ZBTB20: variants seen among roughly 807,000 people sequenced by gnomAD.
The protein encoded by ZBTB20 is zinc finger and BTB domain containing 20.
Under a neutral mutation model 56.9 loss-of-function variants are expected in ZBTB20, and 9 were observed. That is an observed-to-expected ratio of 0.16 (90% CI 0.10 to 0.28). ZBTB20 has a LOEUF of 0.28. Among genes scored for constraint, ZBTB20 ranks in the 10% least tolerant of loss-of-function variants. The pLI is 1.00. For synonymous variants in ZBTB20, 417 were observed against 420.7 expected, an observed-to-expected ratio of 0.99 and a Z score of 0.11; for missense variants, 655 against 1,003.0, an observed-to-expected ratio of 0.65 and a Z score of 4.69.
intron 6 of ZBTB20, among the ~76,000 whole-genome samples, chr3:114,672,170 A>T (rs887291772): frequency 1.3e-5 from 2 of 152,194 alleles, no homozygotes; most frequent in Non-Finnish European, 2.9e-5. Flanking sequence ...GAAAAATAAT[A>T]GTCAAATTGC....
In ZBTB20 at chr3:114,316,464, GTA is replaced by G. The variant is rs765962671; in HGVS notation, c.*22539_*22540del. 2 of 493,760 alleles carry G rather than the reference GTA, an allele frequency of 4.1e-6. No individual in the cohort carries two copies. The highest frequency in any genetic ancestry group is 8.3e-6 in the Non-Finnish European group (2 of 240,914). 30.6% of individuals were successfully genotyped at this position (493,760 alleles called of 1,614,324 possible). A position where few individuals can be genotyped will look rare whatever the true frequency, so the allele number is the denominator to read the frequency against. On this transcript the variant is annotated 3_prime_UTR_variant, in exon 12 of 12. Transcript: ENST00000675478. ...ATCTGATTTTGTTATGTGCATGTGTGTATATATGCACATATACACACCTATAC... is the reference window on the plus strand; with the variant it reads ...ATCTGATTTTGTTATGTGCATGTGTGTATATGCACATATACACACCTATAC...
At chr3:114,434,669 C>T (rs1006449340) in intron 7 of ZBTB20, among the ~76,000 whole-genome samples, 31 of 151,786 alleles carry the variant, frequency 2.0e-4, no homozygotes, top group African/African-American at 6.1e-4. Flanking sequence ...TGAAAAAATA[C>T]GGTTTCTTTG....
chr3:114,774,721 A>C (rs1409424757), intron 5 of ZBTB20, among the ~76,000 whole-genome samples: 3 of 152,162 alleles, frequency 2.0e-5, no homozygotes, highest in Non-Finnish European at 4.4e-5. Flanking sequence ...AATCTCACAA[A>C]AATCTGCTTT....
intron 4 of ZBTB20, among the ~76,000 whole-genome samples, chr3:114,887,882 G>A (rs969812625): frequency 1.3e-5 from 2 of 152,168 alleles, no homozygotes; most frequent in Non-Finnish European, 2.9e-5. Flanking sequence ...ATTGATAGGA[G>A]CACATAAGGA....
At chr3:114,368,352 C>T (rs80316439) in intron 10 of ZBTB20, among the ~76,000 whole-genome samples, 2,316 of 152,216 alleles carry the variant, frequency 0.015, 28 homozygotes, top group South Asian at 0.067. Flanking sequence ...AGTCTTAGTC[C>T]ATTAGCAACA....
chr3:114,404,627 T>C lies in ZBTB20; in HGVS notation c.-254-15522A>G, dbSNP rs576500481. ...GGCTTTATAGTCTGGTGTACAGACG[T>C]GGCTATTTTTCCCCATAGCTCTCAG... On this transcript the variant is annotated intron_variant, in intron 7 of 11. Transcript: ENST00000675478. Among the ~76,000 whole-genome samples, 98 of 152,274 alleles carry C rather than the reference T, an allele frequency of 6.4e-4. 3 individuals carry two copies. In the South Asian group the frequency reaches 0.015, roughly 24 times the overall value.
chr3:114,449,460 A>C lies in ZBTB20; in HGVS notation c.-255+50892T>G, dbSNP rs548380564. ...CATCGCAGACTTGAGAAAGGTAACC[A>C]AGTGAGGAAACATCAAACAGAGTTA... On this transcript the variant is annotated intron_variant, in intron 7 of 11. Transcript: ENST00000675478. 3.7e-4 allele frequency among the ~76,000 whole-genome samples: 57 copies of C among 152,286 alleles called. 1 individual carries two copies. The highest frequency in any genetic ancestry group is 3.3e-3 in the Admixed American group (50 of 15,294).
intron 1 of ZBTB20, among the ~76,000 whole-genome samples, chr3:115,145,122 G>A (rs1437513488): frequency 6.6e-6 from 1 of 152,024 alleles, no homozygotes; most frequent in Non-Finnish European, 1.5e-5. Context: ...ATTCCTCAAG[G>A]GCAATTTCAA....
intron 7 of ZBTB20, among the ~76,000 whole-genome samples, chr3:114,495,761 T>A (rs1314812352): frequency 6.6e-6 from 1 of 152,114 alleles, no homozygotes; most frequent in African/African-American, 2.4e-5. Context: ...CTGAAAATGG[T>A]GTCTGAGCAA....
chr3:114,321,615 T>A lies in ZBTB20; in HGVS notation c.*17390A>T, dbSNP rs956202642. 5 of 152,164 alleles carry A rather than the reference T, an allele frequency of 3.3e-5. No homozygotes were observed. Among genetic ancestry groups the A allele is most frequent in the Non-Finnish European group, 7.4e-5 (5 of 68,024 alleles). 9.4% of individuals were successfully genotyped at this position (152,164 alleles called of 1,614,324 possible). On this transcript the variant is annotated 3_prime_UTR_variant, in exon 12 of 12. Transcript: ENST00000675478. ...GAAACAAAAAATAAAGAGAAAGAACTGGTAAGAGTTGAGCTCGGTAGCCAA... is the reference window on the plus strand; with the variant it reads ...GAAACAAAAAATAAAGAGAAAGAACAGGTAAGAGTTGAGCTCGGTAGCCAA...
chr3:114,934,894 A>C (rs2076480365), intron 3 of ZBTB20, among the ~76,000 whole-genome samples: 1 of 152,208 alleles, frequency 6.6e-6, no homozygotes, highest in African/African-American at 2.4e-5. Context: ...GATTTTCATA[A>C]GTAAAAATGC....
chr3:114,390,519 C>T (rs897695191), intron 7 of ZBTB20, among the ~76,000 whole-genome samples: 1 of 152,184 alleles, frequency 6.6e-6, no homozygotes, highest in African/African-American at 2.4e-5. Context: ...CCTCAGTCTG[C>T]TATTCTGCCT....
At chr3:114,771,394 T>C (rs887952936) in intron 5 of ZBTB20, among the ~76,000 whole-genome samples, 1 of 152,208 alleles carries the variant, frequency 6.6e-6, no homozygotes, top group African/African-American at 2.4e-5. Context: ...AAGCATATAT[T>C]CAGGTTTCTG....
chr3:114,715,192 T>G (rs566430064), intron 5 of ZBTB20, among the ~76,000 whole-genome samples: 2 of 152,350 alleles, frequency 1.3e-5, no homozygotes, highest in South Asian at 4.1e-4. Context: ...TAGCAATTAC[T>G]GCCGCTCAAA....
intron 5 of ZBTB20, among the ~76,000 whole-genome samples, chr3:114,760,139 A>C (rs1378469393): frequency 6.6e-6 from 1 of 152,200 alleles, no homozygotes. Context: ...ACAAATAAAA[A>C]AATTTTATTA....
At chr3:114,812,050 G>C (rs2072561422) in intron 4 of ZBTB20, among the ~76,000 whole-genome samples, 1 of 152,208 alleles carries the variant, frequency 6.6e-6, no homozygotes, top group Non-Finnish European at 1.5e-5. Flanking sequence ...GCAGACCTTT[G>C]CGGTGAGTGT....
intron 3 of ZBTB20, among the ~76,000 whole-genome samples, chr3:114,902,639 A>AT (rs2075166262): frequency 6.6e-6 from 1 of 152,148 alleles, no homozygotes; most frequent in South Asian, 2.1e-4. Flanking sequence ...TATGTGATCT[A>AT]TTTTTTGTTA....
At chr3:114,987,797 C>T (rs1255660055) in intron 2 of ZBTB20, among the ~76,000 whole-genome samples, 2 of 152,086 alleles carry the variant, frequency 1.3e-5, no homozygotes, top group African/African-American at 4.8e-5. Context: ...GCAAACCCTT[C>T]AACATCACTC....
intron 3 of ZBTB20, among the ~76,000 whole-genome samples, chr3:114,932,429 T>C (rs2076391592): frequency 6.6e-6 from 1 of 152,236 alleles, no homozygotes; most frequent in South Asian, 2.1e-4. Flanking sequence ...TCTCCTTTCC[T>C]ACCAGCCTTC....
Sources: gnomAD v4.1 joint callset for allele counts (sites outside exome capture counted in the v4.1 genomes callset) on GRCh38, gnomAD v4.1.1 for gene constraint, MANE v1.5 for transcripts, NCBI Gene and HGNC (gene_info 2026-07-23, HGNC 2026-07-21) for gene names.